The following SIX5 variants were observed in gnomAD, a reference collection of about 807,000 sequenced individuals.
The protein encoded by SIX5 is homeobox protein SIX5.
SIX5 carries 21 observed loss-of-function variants against 37.1 expected under a neutral mutation model. The observed-to-expected ratio is 0.57, with a 90% CI of 0.40 to 0.81. The LOEUF is 0.81. Among genes scored for constraint, SIX5 ranks in the 40% least tolerant of loss-of-function variants. The pLI is 0.00. For missense variants in SIX5, 1,137 were observed against 1,025.1 expected (o/e 1.11, Z -1.49); for synonymous variants, 626 against 505.9 (o/e 1.24, Z -3.19).
Position 45,768,260 on chromosome 19 carries a change from G to A in SIX5, c.585C>T (p.Pro195=), listed in dbSNP as rs745458818. Residue 195 remains proline (P), a synonymous_variant, in exon 1 of 3, where the codon CCC becomes CCT. Coordinates refer to ENST00000317578, the MANE Select transcript of SIX5 (RefSeq NM_175875.5). The part of the protein sequence containing the change: ...KYRLRKKFPL[P]KTIWDGEETV... The stretch of plus-strand genomic sequence containing the variant: ...TCTCCTCGCCGTCCCAGATGGTCTT[G>A]GGCAGCGGGAACTTCTTGCGCAGTC... 1 of 1,613,004 alleles carries A rather than the reference G, an allele frequency of 6.2e-7. No individual in the cohort carries two copies. Among genetic ancestry groups the A allele is most frequent in the South Asian group, 1.1e-5 (1 of 90,984 alleles).
chr19:45,766,497 G>T lies in SIX5; in HGVS notation c.1462C>A (p.Pro488Thr). The T allele has an allele frequency of 6.6e-7, 1 of 1,515,542 alleles. No homozygotes were observed. The highest frequency in any genetic ancestry group is 1.4e-5 in the African/African-American group (1 of 72,504). The allele number at this position is 1,515,542 out of a possible 1,614,324, so 93.9% of individuals were successfully genotyped here. Residue 488 changes from proline (P) to threonine (T), a missense_variant, in exon 2 of 3, where the codon CCC becomes ACC. Physicochemically the swap from Pro to Thr is conservative, Grantham distance 38. This residue lies in a region of SIX5 where 787 missense variants were observed against 621.4 expected (regional missense o/e 1.27). Coordinates refer to ENST00000317578, the MANE Select transcript of SIX5 (RefSeq NM_175875.5). ...AGCTGCAGGGGCCCCACAGCCTGGGGCAGGGTCACCACCTGTGAGGTGGGT... is the reference window on the plus strand; with the variant it reads ...AGCTGCAGGGGCCCCACAGCCTGGGTCAGGGTCACCACCTGTGAGGTGGGT... ...VVPTSQVVTL[P>T]QAVGPLQLLA...
In SIX5 at chr19:45,765,629, C is replaced by T; in HGVS notation, c.2092G>A (p.Asp698Asn). ...AGGAGCAGCCCCTCAGGGTCGGGGT[C>T]TGGCAGCCTCAGCACGGTGTGGGGG... ...QAPHTVLRLP[D>N]PDPEGLLLGA... is the part of the protein sequence containing the mutation. Residue 698 changes from aspartate to asparagine, a missense_variant, in exon 3 of 3, where the codon GAC becomes AAC. Coordinates refer to ENST00000317578, the MANE Select transcript of SIX5 (RefSeq NM_175875.5). 1 of 1,612,738 alleles carries T rather than the reference C, an allele frequency of 6.2e-7. No homozygotes were observed. The highest frequency in any genetic ancestry group is 1.1e-5 in the South Asian group (1 of 91,040).
At position 45,766,784 on chromosome 19, in the gene SIX5, T is replaced by A. The variant is rs868798997; in HGVS notation, c.1175A>T (p.Glu392Val). The A allele has an allele frequency of 1.3e-5, 21 of 1,578,468 alleles. No individual in the cohort carries two copies. Among genetic ancestry groups the A allele is most frequent in the Non-Finnish European group, 1.8e-5 (21 of 1,165,284 alleles). ...CGACTGAGCCTCCTCCAGCCGCACC[T>A]CCCCTGTCTGAGGGTCCAGGACCAG... is the stretch of plus-strand genomic sequence containing the variant. ...TSLVLDPQTG[E>V]VRLEEAQSEA... Residue 392 changes from glutamate to valine, a missense_variant, in exon 2 of 3, where the codon GAG (glutamate) becomes GTG (valine). Around this residue, in one of 3 missense-constraint regions of SIX5, gnomAD observed 787 missense variants for 621.4 expected, o/e 1.27. Coordinates refer to ENST00000317578, the MANE Select transcript of SIX5 (RefSeq NM_175875.5).
At position 45,767,172 on chromosome 19, in the gene SIX5, C is replaced by G. The variant is rs762388173; in HGVS notation, c.804-17G>C. 3.1e-6 allele frequency: 5 copies of G among 1,609,074 alleles called. No individual in the cohort carries two copies. Among genetic ancestry groups the G allele is most frequent in the Non-Finnish European group, 4.2e-6 (5 of 1,179,032 alleles). On this transcript the variant is annotated splice_polypyrimidine_tract_variant and intron_variant, in intron 1 of 2. Coordinates refer to ENST00000317578, the MANE Select transcript of SIX5 (RefSeq NM_175875.5). The stretch of plus-strand genomic sequence containing the variant: ...TCAGACTCGCTGGCCGGAGAAATGG[C>G]TGTCAGCTGGGGTCCCTTAGCCTGT...
chr19:45,767,227 C>G, intron 1 of SIX5, 72 bp from the exon 2 acceptor site: 1 of 1,488,794 alleles, frequency 6.7e-7, no homozygotes, highest in Non-Finnish European at 9.2e-7. Flanking sequence ...GCCAGCTGCT[C>G]CCCCACCTTT....
chr19:45,768,958 T>A lies in SIX5; in HGVS notation c.-114A>T. 1.3e-5 allele frequency: 13 copies of A among 1,037,790 alleles called. No individual in the cohort carries two copies. The highest frequency in any genetic ancestry group is 1.8e-5 in the Non-Finnish European group (13 of 726,490). The allele number at this position is 1,037,790 out of a possible 1,614,324, so 64.3% of individuals were successfully genotyped here. ...CCCCACTCCCCGCTCTTCTCGATCTTCTTTCTGGCCGACCCTGCGCCCCAC... is the reference window on the plus strand; with the variant it reads ...CCCCACTCCCCGCTCTTCTCGATCTACTTTCTGGCCGACCCTGCGCCCCAC... On this transcript the variant is annotated 5_prime_UTR_variant, in exon 1 of 3. Coordinates refer to ENST00000317578, the MANE Select transcript of SIX5 (RefSeq NM_175875.5).
Position 45,766,953 on chromosome 19 carries a change from C to G in SIX5, c.1006G>C (p.Val336Leu). ...ATGACGGGGCCCCCGTTGAGGAGCACTGCTGGGGAGCCGCTGGCTGCCAGG... is the reference window on the plus strand; with the variant it reads ...ATGACGGGGCCCCCGTTGAGGAGCAGTGCTGGGGAGCCGCTGGCTGCCAGG... ...SFLAASGSPA[V>L]LLNGGPVIIN... Residue 336 changes from valine (V) to leucine (L), a missense_variant, in exon 2 of 3, where the codon GTG becomes CTG. Coordinates refer to ENST00000317578, the MANE Select transcript of SIX5 (RefSeq NM_175875.5). 1 of 1,584,096 alleles carries G rather than the reference C, an allele frequency of 6.3e-7. No individual in the cohort carries two copies. Among genetic ancestry groups the G allele is most frequent in the Non-Finnish European group, 8.6e-7 (1 of 1,167,470 alleles).
Position 45,766,633 on chromosome 19 carries a change from C to G in SIX5, c.1326G>C (p.Pro442=), listed in dbSNP as rs778704300. The G allele has an allele frequency of 1.4e-5, 20 of 1,475,056 alleles. No individual in the cohort carries two copies. In the Admixed American group the frequency reaches 2.7e-4, roughly 20 times the overall value. 91.4% of individuals were successfully genotyped at this position (1,475,056 alleles called of 1,614,324 possible). Residue 442 remains proline, a synonymous_variant, in exon 2 of 3, where the codon CCG becomes CCC. Transcript: ENST00000317578. ...GGGCAGCCACAGCAGGCACTGGCCC[C>G]GGGGGCAGAGGAAAGGTGGCAGCCG... The part of the protein sequence containing the change: ...PPTAATFPLP[P]GPVPAVAAPQ...
At position 45,765,532 on chromosome 19, in the gene SIX5, G is replaced by T. The variant is rs150045306; in HGVS notation, c.2189C>A (p.Ser730Ter). 1 of 1,613,398 alleles carries T rather than the reference G, an allele frequency of 6.2e-7. No homozygotes were observed. ...AEAKVLTQLQ[S>*]VPVEEPLEL ...TTCCAAGGGCTCCTCCACAGGCACC[G>T]ACTGGAGCTGGGTCAGAACCTTGGC... Residue 730 changes from serine to a stop codon, truncating the protein, a stop_gained, in exon 3 of 3, where the codon TCG (serine) becomes TAG (stop). Transcript: ENST00000317578. LOFTEE classifies it high-confidence loss of function.
At chr19:45,766,169 G>C in intron 2 of SIX5, 58 bp from the exon 3 acceptor site, 1 of 1,576,464 alleles carries the variant, frequency 6.3e-7, no homozygotes, top group Non-Finnish European at 8.6e-7. Flanking sequence ...CCAAGCCAGA[G>C]AGAAGTGGAG....
chr19:45,769,015 G>T lies in SIX5; in HGVS notation c.-171C>A. ...AAGGCGAGATCCAGCTCTCCACTCG[G>T]GTCTCTGTCCCCTTGTGTGTGTCCG... On this transcript the variant is annotated 5_prime_UTR_variant, in exon 1 of 3. Coordinates refer to ENST00000317578, the MANE Select transcript of SIX5 (RefSeq NM_175875.5). 1 of 629,108 alleles carries T rather than the reference G, an allele frequency of 1.6e-6. No homozygotes were observed. Among genetic ancestry groups the T allele is most frequent in the Non-Finnish European group, 2.8e-6 (1 of 361,346 alleles). The allele number at this position is 629,108 out of a possible 1,614,324, so 39.0% of individuals were successfully genotyped here.
chr19:45,767,939 G>T, intron 1 of SIX5, 103 bp downstream of exon 1: 1 of 1,233,848 alleles, frequency 8.1e-7, no homozygotes, highest in South Asian at 1.4e-5. Flanking sequence ...GGAGATGTCC[G>T]AGGACCTCGG....
At position 45,765,218 on chromosome 19, in the gene SIX5, C is replaced by T. The variant is rs2146204975; in HGVS notation, c.*283G>A. 1.8e-6 allele frequency: 1 copy of T among 545,230 alleles called. No individual in the cohort carries two copies. Among genetic ancestry groups the T allele is most frequent in the Non-Finnish European group, 3.3e-6 (1 of 301,120 alleles). The allele number at this position is 545,230 out of a possible 1,614,324, so 33.8% of individuals were successfully genotyped here. On this transcript the variant is annotated 3_prime_UTR_variant, in exon 3 of 3. Coordinates refer to ENST00000317578, the MANE Select transcript of SIX5 (RefSeq NM_175875.5). ...TACAGCTAGTACCAAGTGGAGGGGG[C>T]AGGGCCCCTGAGTCAGGACCCTGAG...
In SIX5 at chr19:45,765,775, G is replaced by A. The variant is rs1969056965; in HGVS notation, c.1946C>T (p.Ala649Val). Residue 649 changes from alanine to valine, a missense_variant, in exon 3 of 3, where the codon GCG (alanine) becomes GTG (valine). Physicochemically the swap from Ala to Val is moderately conservative, Grantham distance 64. This residue lies in a region of SIX5 where 787 missense variants were observed against 621.4 expected (regional missense o/e 1.27). Transcript: ENST00000317578. Reference protein sequence around the residue: ...DSPGLLPNFPAPPPEGLMLSP... With the variant: ...DSPGLLPNFPVPPPEGLMLSP... ...CAACATCAGCCCCTCTGGTGGGGGC[G>A]CCGGGAAGTTGGGCAGGAGGCCAGG... The A allele has an allele frequency of 3.7e-6, 6 of 1,608,484 alleles. No homozygotes were observed. The South Asian group carries it at 4.4e-5, about 12-fold the overall frequency.
At chr19:45,767,818 G>A (rs1261873317) in intron 1 of SIX5, 2 of 584,040 alleles carry the variant, frequency 3.4e-6, no homozygotes, top group Admixed American at 3.1e-5. Flanking sequence ...AGCTCGGAAT[G>A]GAGCCGCTGG....
In SIX5 at chr19:45,766,502, G is replaced by T; in HGVS notation, c.1457C>A (p.Thr486Asn). Residue 486 changes from threonine to asparagine, a missense_variant, in exon 2 of 3, where the codon ACC becomes AAC. Coordinates refer to ENST00000317578, the MANE Select transcript of SIX5 (RefSeq NM_175875.5). The stretch of plus-strand genomic sequence containing the variant: ...CAGGGGCCCCACAGCCTGGGGCAGG[G>T]TCACCACCTGTGAGGTGGGTACTAC... The part of the protein sequence containing the change: ...PQVVPTSQVV[T>N]LPQAVGPLQL... 1 of 1,511,736 alleles carries T rather than the reference G, an allele frequency of 6.6e-7. No homozygotes were observed. The highest frequency in any genetic ancestry group is 1.3e-5 in the South Asian group (1 of 78,952). 93.6% of individuals were successfully genotyped at this position (1,511,736 alleles called of 1,614,324 possible).
In SIX5 at chr19:45,767,287, G is replaced by A; in HGVS notation, c.804-132C>T. ...ATTCCAGGGGTTATGACGCCTCTCT[G>A]AGACCACTCCAAACTCCAGGGCCTT... On this transcript the variant is annotated intron_variant, in intron 1 of 2. Coordinates refer to ENST00000317578, the MANE Select transcript of SIX5 (RefSeq NM_175875.5). 5.5e-6 allele frequency: 5 copies of A among 907,542 alleles called. No homozygotes were observed. The Admixed American group carries it at 6.4e-5, about 12-fold the overall frequency. The allele number at this position is 907,542 out of a possible 1,614,324, so 56.2% of individuals were successfully genotyped here.
Position 45,765,326 on chromosome 19 carries a change from C to G in SIX5, c.*175G>C. On this transcript the variant is annotated 3_prime_UTR_variant, in exon 3 of 3. Transcript: ENST00000317578. ...ATCCAAAGGGGGATGGAGACCTGGA[C>G]AGGAGGTGGCCGGGGATACAACCCC... 1.2e-6 allele frequency: 1 copy of G among 851,280 alleles called. No individual in the cohort carries two copies. The highest frequency in any genetic ancestry group is 1.4e-5 in the South Asian group (1 of 69,578). The allele number at this position is 851,280 out of a possible 1,614,324, so 52.7% of individuals were successfully genotyped here.
rs550357103 is a variant in SIX5 at position 45,768,591 on chromosome 19, C to A, written c.254G>T (p.Arg85Leu). The A allele has an allele frequency of 3.0e-6, 4 of 1,353,520 alleles. No homozygotes were observed. The East Asian group carries it at 9.0e-5, about 30-fold the overall frequency. 83.8% of individuals were successfully genotyped at this position (1,353,520 alleles called of 1,614,324 possible). The change falls in exon 1 of 3, where the codon CGC (arginine) becomes CTC (leucine). Residue 85 changes from arginine to leucine, a missense_variant. Coordinates refer to ENST00000317578, the MANE Select transcript of SIX5 (RefSeq NM_175875.5). ...GCACGCCACCTGCTCGGGCGAGAAG[C>A]GGAGGCCCGTGGGCGGTTCGGAAGC... ...EAASEPPTGL[R>L]FSPEQVACVC... is the part of the protein sequence containing the mutation.
Sources: allele counts gnomAD v4.1 joint callset, GRCh38; gene constraint gnomAD v4.1.1; regional missense constraint gnomAD v4.1.1; transcripts MANE v1.5; gene names NCBI Gene and HGNC (gene_info 2026-07-23, HGNC 2026-07-21).